Variants in KIAA1328 observed in about 807,000 individuals in gnomAD.
KIAA1328 encodes the protein protein hinderin.
A neutral mutation model predicts 68.1 loss-of-function variants in KIAA1328; 52 were observed. The ratio of observed to expected loss-of-function variants is 0.76; its 90% CI spans 0.61 to 0.96. KIAA1328 has a LOEUF of 0.96. Among genes scored for constraint, KIAA1328 ranks in the 40% least tolerant of loss-of-function variants. The pLI, the probability that KIAA1328 is intolerant of heterozygous loss-of-function variation, is 0.00. For missense variants in KIAA1328, 641 were observed against 677.6 expected (o/e 0.95, Z 0.60); for synonymous variants, 232 against 239.4 (o/e 0.97, Z 0.28).
At chr18:36,856,733 T>C (rs558922182) in intron 4 of KIAA1328, among the ~76,000 whole-genome samples, 27 of 152,272 alleles carry the variant, frequency 1.8e-4, no homozygotes, top group African/African-American at 5.8e-4. Flanking sequence ...TCTTATTTCT[T>C]TCTATGCCTT....
intron 3 of KIAA1328, among the ~76,000 whole-genome samples, chr18:36,835,832 T>C (rs929018848): frequency 6.6e-6 from 1 of 152,164 alleles, no homozygotes; most frequent in African/African-American, 2.4e-5. Context: ...CCAGTTTATT[T>C]TACTTTAATT....
chr18:36,923,284 A>G (rs954978575), intron 5 of KIAA1328, among the ~76,000 whole-genome samples: 1 of 152,190 alleles, frequency 6.6e-6, no homozygotes, highest in African/African-American at 2.4e-5. Flanking sequence ...TGAAACCAGA[A>G]GTTTACAGGA....
intron 6 of KIAA1328, among the ~76,000 whole-genome samples, chr18:36,988,440 C>T (rs997123896): frequency 3.3e-5 from 5 of 152,166 alleles, no homozygotes; most frequent in East Asian, 1.9e-4. Context: ...CACCTGTCAT[C>T]GTAACTTGGG....
intron 9 of KIAA1328, among the ~76,000 whole-genome samples, chr18:37,181,536 C>T (rs2059698429): frequency 6.6e-6 from 1 of 152,106 alleles, no homozygotes; most frequent in Non-Finnish European, 1.5e-5. Flanking sequence ...AGAATCCATT[C>T]CTCTTATACA....
At chr18:37,143,652 T>C (rs2058830093) in intron 7 of KIAA1328, among the ~76,000 whole-genome samples, 1 of 151,532 alleles carries the variant, frequency 6.6e-6, no homozygotes. Context: ...AACCAGTAAG[T>C]AAAATGTTAA....
intron 5 of KIAA1328, among the ~76,000 whole-genome samples, chr18:36,954,103 C>T (rs1028474036): frequency 3.4e-5 from 5 of 148,196 alleles, no homozygotes; most frequent in African/African-American, 9.8e-5. Context: ...CCCGGGTTCA[C>T]GCCATTCTCC....
chr18:36,833,993 G>T (rs1168128452), intron 1 of KIAA1328, among the ~76,000 whole-genome samples: 2 of 152,180 alleles, frequency 1.3e-5, no homozygotes, highest in African/African-American at 2.4e-5. Flanking sequence ...GAACCTAATA[G>T]TAGAGTATAT....
intron 9 of KIAA1328, among the ~76,000 whole-genome samples, chr18:37,209,218 G>T (rs1023396753): frequency 4.6e-5 from 7 of 152,174 alleles, no homozygotes; most frequent in African/African-American, 1.7e-4. Context: ...CAGAATCTTT[G>T]AAATAAATTG....
downstream of KIAA1328, chr18:37,231,140 T>C (rs1029840452): frequency 1.3e-5 from 2 of 152,228 alleles, no homozygotes; most frequent in Non-Finnish European, 2.9e-5. Context: ...CCCATAGTAC[T>C]CTGTAGAGCC....
downstream of KIAA1328, chr18:37,229,664 G>A (rs752068966): frequency 3.0e-6 from 2 of 665,044 alleles, no homozygotes; most frequent in South Asian, 3.3e-5. Flanking sequence ...CATGAGGTCA[G>A]GAGATCGAGA....
At chr18:37,078,114 C>G (rs1409228260) in intron 7 of KIAA1328, among the ~76,000 whole-genome samples, 1 of 152,214 alleles carries the variant, frequency 6.6e-6, no homozygotes, top group East Asian at 1.9e-4. Context: ...CAGCATGGTA[C>G]TGGTACCAAA....
chr18:36,967,167 G>A (rs8089705), intron 6 of KIAA1328, among the ~76,000 whole-genome samples: 111,409 of 152,098 alleles, frequency 0.73, 43,940 homozygotes, highest in South Asian at 0.89. Context: ...AAGAAAAGCA[G>A]AGAGTTTTCT....
intron 6 of KIAA1328, among the ~76,000 whole-genome samples, chr18:37,028,714 T>C (rs937691560): frequency 2.6e-5 from 4 of 152,152 alleles, no homozygotes; most frequent in Non-Finnish European, 5.9e-5. Flanking sequence ...GCCTAGTTGT[T>C]GAGGGTTTTT....
intron 6 of KIAA1328, among the ~76,000 whole-genome samples, chr18:37,028,995 C>G (rs1314809839): frequency 1.3e-5 from 2 of 152,112 alleles, no homozygotes; most frequent in African/African-American, 4.8e-5. Flanking sequence ...TGTTGTGTCT[C>G]TGCCAGATTT....
chr18:37,030,660 G>C (rs1449885906), intron 6 of KIAA1328, among the ~76,000 whole-genome samples: 1 of 151,950 alleles, frequency 6.6e-6, no homozygotes, highest in Non-Finnish European at 1.5e-5. Context: ...TTTATCAGTA[G>C]GGTCAATATT....
In KIAA1328 at chr18:36,860,914, T is replaced by C. The variant is rs2047544548; in HGVS notation, c.332+16612T>C. Among the ~76,000 whole-genome samples, 4 of 152,284 alleles carry C rather than the reference T, an allele frequency of 2.6e-5. No individual in the cohort carries two copies. The South Asian group carries it at 8.3e-4, about 32-fold the overall frequency. On this transcript the variant is annotated intron_variant, in intron 4 of 9. Coordinates refer to ENST00000280020, the MANE Select transcript of KIAA1328 (RefSeq NM_020776.3). The stretch of plus-strand genomic sequence containing the variant: ...TGGAAAAAAATCTCAATAAGCTATT[T>C]TTTAAAAAATAGTACAGAGGGTTCT...
intron 6 of KIAA1328, among the ~76,000 whole-genome samples, chr18:37,024,806 T>C (rs1454710314): frequency 2.0e-5 from 3 of 152,164 alleles, no homozygotes; most frequent in Admixed American, 6.6e-5. Context: ...GTTCCAAGTC[T>C]TTGCTATTGT....
At chr18:36,905,584 C>T (rs1208261121) in intron 5 of KIAA1328, among the ~76,000 whole-genome samples, 1 of 152,000 alleles carries the variant, frequency 6.6e-6, no homozygotes, top group South Asian at 2.1e-4. Flanking sequence ...GCAAGTTGTA[C>T]TTTTCTGTTC....
At chr18:37,164,015 GT>G (rs1306569563) in intron 8 of KIAA1328, among the ~76,000 whole-genome samples, 11 of 152,192 alleles carry the variant, frequency 7.2e-5, no homozygotes, top group Non-Finnish European at 1.3e-4. Context: ...AGTGTTAAGA[GT>G]TAATGTTAAT....
Sources: gnomAD v4.1 joint callset for allele counts (sites outside exome capture counted in the v4.1 genomes callset) on GRCh38, gnomAD v4.1.1 for gene constraint, MANE v1.5 for transcripts, NCBI Gene and HGNC (gene_info 2026-07-23, HGNC 2026-07-21) for gene names.